SYT3: variants seen among roughly 807,000 people sequenced by gnomAD.
The protein encoded by SYT3 is synaptotagmin-3.
In SYT3, 25 loss-of-function variants were observed where a neutral mutation model predicts 50.6. The observed-to-expected ratio is 0.49, with a 90% CI of 0.36 to 0.69. The LOEUF (loss-of-function observed/expected upper bound fraction) is 0.69, where lower values mean the gene tolerates loss of function less well. Ranked by LOEUF, SYT3 falls within the 30% of genes least tolerant of loss-of-function variation. The pLI, the probability that SYT3 is intolerant of heterozygous loss-of-function variation, is 0.00. For synonymous variants in SYT3, 323 were observed against 353.9 expected (o/e 0.91, Z 0.98); for missense variants, 589 against 793.6 (o/e 0.74, Z 3.10).
At chr19:50,649,562 G>C in the SYT3 span, 2 of 1,520,522 alleles carry the variant, frequency 1.3e-6, no homozygotes, top group Non-Finnish European at 1.8e-6. Context: ...CATCCAGGCA[G>C]TGCGTAGTAG....
At position 50,625,095 on chromosome 19, in the gene SYT3, T is replaced by G; in HGVS notation, c.1707+67A>C. ...GACTCACGAACATGCAGGGCGTTCG[T>G]TGCATGGATGAAGGGGCCGAGGGTG... On this transcript the variant is annotated intron_variant, in intron 9 of 10. Coordinates refer to ENST00000600079, the MANE Select transcript of SYT3 (RefSeq NM_001160329.2). This position sits in a 1 kb window ranked among gnomAD's most constrained non-coding sequence, Gnocchi z 7.5. The G allele has an allele frequency of 7.0e-7, 1 of 1,433,770 alleles. No homozygotes were observed. The highest frequency in any genetic ancestry group is 9.2e-7 in the Non-Finnish European group (1 of 1,089,852). The allele number at this position is 1,433,770 out of a possible 1,614,324, so 88.8% of individuals were successfully genotyped here.
chr19:50,633,038 G>C (rs934929056), intron 3 of SYT3, among the ~76,000 whole-genome samples: 1 of 152,188 alleles, frequency 6.6e-6, no homozygotes, highest in Non-Finnish European at 1.5e-5. Context: ...CTGGAGTGCA[G>C]TGGCATAATC....
At position 50,630,145 on chromosome 19, in the gene SYT3, G is replaced by A. The variant is rs1289336155; in HGVS notation, c.701C>T (p.Thr234Ile). The change falls in exon 5 of 11, where the codon ACC (threonine) becomes ATC (isoleucine). Residue 234 changes from threonine to isoleucine, a missense_variant. This residue lies in a region of SYT3 where 316 missense variants were observed against 354.3 expected (regional missense o/e 0.89). Transcript: ENST00000600079. The stretch of plus-strand genomic sequence containing the variant: ...CGGCTGGGAGGTCAGAGTCTGCTGG[G>A]TGAGGGGTCGGGGCAGGGCTGGGTA... ...TRYPALPRPLTQQTLTSQPDP... is the reference protein window; with the variant it reads ...TRYPALPRPLIQQTLTSQPDP... The A allele has an allele frequency of 1.3e-6, 2 of 1,584,694 alleles. No homozygotes were observed. The highest frequency in any genetic ancestry group is 3.5e-5 in the Admixed American group (2 of 56,920).
upstream of SYT3, among the ~76,000 whole-genome samples, chr19:50,643,628 A>C (rs1011065099): frequency 6.6e-6 from 1 of 152,142 alleles, no homozygotes; most frequent in Non-Finnish European, 1.5e-5. Flanking sequence ...GGAGACAGAG[A>C]TAGAATCTTC....
the SYT3 span, among the ~76,000 whole-genome samples, chr19:50,647,638 G>T: frequency 6.6e-6 from 1 of 152,156 alleles, no homozygotes; most frequent in African/African-American, 2.4e-5. Context: ...CTGCACTCCA[G>T]CCTGGGGGAC....
At position 50,625,377 on chromosome 19, in the gene SYT3, G is replaced by A. The variant is rs772009436; in HGVS notation, c.1574+16C>T. On this transcript the variant is annotated intron_variant, in intron 8 of 10. Transcript: ENST00000600079. The surrounding 1 kb of genome is among the most constrained non-coding windows in gnomAD (Gnocchi z 7.5). ...CAGCCCTCCTGCCTGACCCCCGCCC[G>A]GGCCGCGCCCCTCACCAGTCGTAGT... 46 of 1,540,574 alleles carry A rather than the reference G, an allele frequency of 3.0e-5. No individual in the cohort carries two copies. The Middle Eastern group carries it at 6.7e-4, about 22-fold the overall frequency.
chr19:50,656,941 G>T, the SYT3 span, among the ~76,000 whole-genome samples: 2 of 137,948 alleles, frequency 1.4e-5, no homozygotes, highest in African/African-American at 2.9e-5. Context: ...GACAAAGTGA[G>T]ACTCTGTCAA....
At chr19:50,642,660 C>T (rs1285201004), upstream of SYT3, among the ~76,000 whole-genome samples, 1 of 152,012 alleles carries the variant, frequency 6.6e-6, no homozygotes, top group African/African-American at 2.4e-5. Flanking sequence ...ATGGAGAAAC[C>T]CCGTCTCTAC....
In SYT3 at chr19:50,630,132, C is replaced by T. The variant is rs759240007; in HGVS notation, c.714G>A (p.Leu238=). 1 of 1,591,358 alleles carries T rather than the reference C, an allele frequency of 6.3e-7. No individual in the cohort carries two copies. Among genetic ancestry groups the T allele is most frequent in the Admixed American group, 1.7e-5 (1 of 57,776 alleles). ...CACTGCTGGGGTCCGGCTGGGAGGT[C>T]AGAGTCTGCTGGGTGAGGGGTCGGG... ...ALPRPLTQQT[L]TSQPDPSSEE... The change falls in exon 5 of 11, where the codon CTG becomes CTA. Residue 238 remains leucine (L), a synonymous_variant. Coordinates refer to ENST00000600079, the MANE Select transcript of SYT3 (RefSeq NM_001160329.2).
At chr19:50,652,714 G>A in the SYT3 span, among the ~76,000 whole-genome samples, 4 of 152,266 alleles carry the variant, frequency 2.6e-5, 1 homozygote, top group Middle Eastern at 6.8e-3. Context: ...TCATCCCACA[G>A]ACAATGAAAA....
chr19:50,654,803 A>T, the SYT3 span, among the ~76,000 whole-genome samples: 97 of 151,844 alleles, frequency 6.4e-4, no homozygotes, highest in African/African-American at 2.0e-3. Context: ...ATAATTAAAA[A>T]TTTTTTTTTG....
At chr19:50,626,943 C>T (rs1013147853) in intron 6 of SYT3, among the ~76,000 whole-genome samples, 1 of 150,556 alleles carries the variant, frequency 6.6e-6, no homozygotes, top group Admixed American at 6.6e-5. Context: ...ACTCCCTGCA[C>T]CAAGAGAAAG....
intron 3 of SYT3, among the ~76,000 whole-genome samples, chr19:50,634,915 C>T (rs531166411): frequency 4.5e-4 from 68 of 150,344 alleles, no homozygotes; most frequent in Admixed American, 2.8e-3. Flanking sequence ...GAGACAGAGT[C>T]TCGCTGTGTC....
intron 3 of SYT3, among the ~76,000 whole-genome samples, chr19:50,635,837 T>C (rs1984479449): frequency 6.6e-6 from 1 of 152,216 alleles, no homozygotes; most frequent in South Asian, 2.1e-4. Context: ...TCCATGTGAC[T>C]CCACTGGGAG....
chr19:50,641,552 C>T (rs897842616), upstream of SYT3, among the ~76,000 whole-genome samples: 55 of 151,218 alleles, frequency 3.6e-4, no homozygotes, highest in African/African-American at 1.3e-3. Context: ...AGACCCCCAT[C>T]TCAAGAATAA....
upstream of SYT3, among the ~76,000 whole-genome samples, chr19:50,642,797 G>A (rs1338702637): frequency 4.6e-5 from 7 of 152,140 alleles, no homozygotes; most frequent in Non-Finnish European, 8.8e-5. Flanking sequence ...TCATGCCATT[G>A]CACTCCAGCC....
the SYT3 span, among the ~76,000 whole-genome samples, chr19:50,651,957 T>C: frequency 1.3e-5 from 2 of 152,226 alleles, no homozygotes; most frequent in African/African-American, 4.8e-5. Flanking sequence ...TTTGATTCAT[T>C]TAACGCTTGT....
the SYT3 span, among the ~76,000 whole-genome samples, chr19:50,653,736 AC>A: frequency 8.9e-6 from 1 of 112,422 alleles, no homozygotes; most frequent in Non-Finnish European, 1.9e-5. Flanking sequence ...ACACACACAC[AC>A]ACACGTTGTC....
the SYT3 span, among the ~76,000 whole-genome samples, chr19:50,653,967 A>AG: frequency 7.3e-5 from 11 of 151,326 alleles, no homozygotes; most frequent in African/African-American, 2.7e-4. Context: ...CTGAGCTGGG[A>AG]GGGGGGGATT....
Sources: gnomAD v4.1 joint callset for allele counts (sites outside exome capture counted in the v4.1 genomes callset) on GRCh38, gnomAD v4.1.1 for gene constraint, gnomAD v4.1.1 regional missense constraint, Gnocchi (gnomAD v3.1) non-coding constraint, MANE v1.5 for transcripts, NCBI Gene and HGNC (gene_info 2026-07-23, HGNC 2026-07-21) for gene names.